The following TSPEAR variants were observed in gnomAD, a reference collection of about 807,000 sequenced individuals.
The protein encoded by TSPEAR is thrombospondin type laminin G domain and EAR repeats, also known as thrombospondin-type laminin G domain and EAR repeat-containing protein.
In TSPEAR, 69 loss-of-function variants were observed where a neutral mutation model predicts 71.6. The ratio of observed to expected loss-of-function variants is 0.96; its 90% CI spans 0.79 to 1.18. The LOEUF is 1.18. TSPEAR is among the 50% of genes most tolerant of loss of function. The pLI, the probability that TSPEAR is intolerant of heterozygous loss-of-function variation, is 0.00. For missense variants in TSPEAR, 971 were observed against 894.9 expected, an observed-to-expected ratio of 1.09 and a Z score of -1.09; for synonymous variants, 402 against 387.2, an observed-to-expected ratio of 1.04 and a Z score of -0.45.
At chr21:44,681,983 G>A (rs782585933) in intron 1 of TSPEAR, 12 of 1,613,132 alleles carry the variant, frequency 7.4e-6, no homozygotes, top group Admixed American at 3.3e-5. Flanking sequence ...GGCATCTCAC[G>A]GGCACACACA....
intron 3 of TSPEAR, among the ~76,000 whole-genome samples, chr21:44,532,472 G>A (rs2052992960): frequency 6.6e-6 from 1 of 152,198 alleles, no homozygotes; most frequent in South Asian, 2.1e-4. Flanking sequence ...CAGGACCTGA[G>A]AACTCATCAC....
chr21:44,581,344 C>A (rs1555925104), intron 1 of TSPEAR, among the ~76,000 whole-genome samples: 1 of 152,226 alleles, frequency 6.6e-6, no homozygotes, highest in Non-Finnish European at 1.5e-5. Flanking sequence ...ATGTACTCAA[C>A]TTTACCCTCA....
intron 5 of TSPEAR, 62 bp downstream of exon 5, chr21:44,529,736 G>A: frequency 6.3e-7 from 1 of 1,591,896 alleles, no homozygotes; most frequent in Non-Finnish European, 8.6e-7. Context: ...GTTCCCGCCT[G>A]GTGTGAGGCC....
At chr21:44,653,933 G>C (rs371464528) in intron 1 of TSPEAR, among the ~76,000 whole-genome samples, 1 of 152,326 alleles carries the variant, frequency 6.6e-6, no homozygotes, top group South Asian at 2.1e-4. Context: ...CCTGGGGAAG[G>C]TACCTCCTGA....
intron 1 of TSPEAR, chr21:44,627,886 T>C: frequency 6.2e-7 from 1 of 1,613,090 alleles, no homozygotes; most frequent in South Asian, 1.1e-5. Context: ...CCGCCCTGTG[T>C]GCAGGCCCGC....
At chr21:44,657,382 T>C (rs782633599) in intron 1 of TSPEAR, among the ~76,000 whole-genome samples, 2 of 152,172 alleles carry the variant, frequency 1.3e-5, no homozygotes, top group Non-Finnish European at 2.9e-5. Context: ...ACAGCAAATA[T>C]TTTAGCCTTT....
In TSPEAR at chr21:44,641,206, G is replaced by C. The variant is rs370075902; in HGVS notation, c.82+70227C>G. ...CATGTGAGGAAATCACAGCATGACA[G>C]AGAAGCAAAGTCTGAACAAGCGATG... On this transcript the variant is annotated intron_variant, in intron 1 of 11. Coordinates refer to ENST00000323084, the MANE Select transcript of TSPEAR (RefSeq NM_144991.3). Among the ~76,000 whole-genome samples, 14 of 152,220 alleles carry C rather than the reference G, an allele frequency of 9.2e-5. No homozygotes were observed. The East Asian group carries it at 9.6e-4, about 10-fold the overall frequency.
In TSPEAR at chr21:44,540,779, G is replaced by C. The variant is rs1044545174; in HGVS notation, c.304-6856C>G. 5.9e-5 allele frequency among the ~76,000 whole-genome samples: 9 copies of C among 152,172 alleles called. 1 individual carries two copies. The highest frequency in any genetic ancestry group is 1.0e-4 in the Non-Finnish European group (7 of 68,040). On this transcript the variant is annotated intron_variant, in intron 2 of 11. Coordinates refer to ENST00000323084, the MANE Select transcript of TSPEAR (RefSeq NM_144991.3). ...GGGAGAAGGGGAGCAAGGAAGGAGA[G>C]GCCATGCCCCTCCCCACGGCCTTCC...
In TSPEAR at chr21:44,504,863, A is replaced by G; in HGVS notation, c.1773T>C (p.Phe591=). ...ILTCSALDWE[F]FSVGEDYFLV... ...GGAAATAATCTTCTCCCACCGAGAA[A>G]AACTCCCAGTCCAGAGCACTGCAGG... The change falls in exon 11 of 12, where the codon TTT becomes TTC. Residue 591 remains phenylalanine (F), a synonymous_variant. Coordinates refer to ENST00000323084, the MANE Select transcript of TSPEAR (RefSeq NM_144991.3). 6.2e-7 allele frequency: 1 copy of G among 1,613,868 alleles called. No homozygotes were observed. The highest frequency in any genetic ancestry group is 8.5e-7 in the Non-Finnish European group (1 of 1,179,848).
intron 2 of TSPEAR, chr21:44,558,124 G>C (rs587721981): frequency 6.2e-7 from 1 of 1,613,042 alleles, no homozygotes; most frequent in African/African-American, 1.3e-5. Context: ...GGGCGGCAGA[G>C]GAGGGACACG....
rs781814702 is a variant in TSPEAR, at chr21:44,612,336, T to G, written c.83-44331A>C. The G allele has an allele frequency of 1.9e-6, 3 of 1,613,716 alleles. No individual in the cohort carries two copies. The East Asian group carries it at 6.7e-5, about 36-fold the overall frequency. On this transcript the variant is annotated intron_variant, in intron 1 of 11. Transcript: ENST00000323084. This position sits in a 1 kb window ranked among gnomAD's most constrained non-coding sequence, Gnocchi z 4.1. ...TGCCTGGCCCTGGTCTGTGCCCCAG[T>G]GAGCTGTGAGCCCAGCCCCTGCCAA...
chr21:44,514,564 CCTTCTGAGGTCTGCAGCAA>C (rs587614139), intron 9 of TSPEAR, among the ~76,000 whole-genome samples: 21 of 152,336 alleles, frequency 1.4e-4, no homozygotes, highest in African/African-American at 5.1e-4. Context: ...AGCTGCAACA[CCTTCTGAGGTCTGCAGCAA>C]ACTCACTTAG....
intron 1 of TSPEAR, among the ~76,000 whole-genome samples, chr21:44,636,953 C>G (rs1555936789): frequency 6.6e-6 from 1 of 152,230 alleles, no homozygotes; most frequent in Non-Finnish European, 1.5e-5. Context: ...CATCTTTTCC[C>G]AACACAGGCA....
At chr21:44,603,367 G>A (rs1555929324) in intron 1 of TSPEAR, among the ~76,000 whole-genome samples, 1 of 152,188 alleles carries the variant, frequency 6.6e-6, no homozygotes, top group Non-Finnish European at 1.5e-5. Context: ...GGTTCTCCAG[G>A]AGGCACCAAG....
In TSPEAR at chr21:44,711,492, C is replaced by T. The variant is rs1988221602; in HGVS notation, c.23G>A (p.Cys8Tyr). Residue 8 changes from cysteine (C) to tyrosine (Y), a missense_variant, in exon 1 of 12, where the codon TGT becomes TAT. Coordinates refer to ENST00000323084, the MANE Select transcript of TSPEAR (RefSeq NM_144991.3). The surrounding 1 kb of genome is among the most constrained non-coding windows in gnomAD (Gnocchi z 4.5). MSALLSLCFVLPLAAPGH... is the reference protein window; with the variant it reads MSALLSLYFVLPLAAPGH... ...GGGGGCCGCCAGGGGCAGCACAAAA[C>T]ACAGACTCAGCAGGGCAGACATGAG... 1 of 1,612,140 alleles carries T rather than the reference C, an allele frequency of 6.2e-7. No homozygotes were observed. Among genetic ancestry groups the T allele is most frequent in the Non-Finnish European group, 8.5e-7 (1 of 1,179,528 alleles).
intron 1 of TSPEAR, chr21:44,592,642 C>A: frequency 8.5e-7 from 1 of 1,177,094 alleles, no homozygotes; most frequent in Non-Finnish European, 1.2e-6. Flanking sequence ...GTTTGTTCGC[C>A]CGTGATGTGG....
At chr21:44,698,973 G>A (rs1443620861) in intron 1 of TSPEAR, among the ~76,000 whole-genome samples, 2 of 152,212 alleles carry the variant, frequency 1.3e-5, no homozygotes, top group South Asian at 2.1e-4. Flanking sequence ...GACTGAGGCA[G>A]GAAGATCACT....
At chr21:44,658,491 A>G in intron 1 of TSPEAR, 1 of 589,982 alleles carries the variant, frequency 1.7e-6, no homozygotes, top group Non-Finnish European at 3.0e-6. Context: ...CTCCAGCAGG[A>G]AACTAAAACC....
chr21:44,656,336 TGCAC>T (rs1985145218), intron 1 of TSPEAR, among the ~76,000 whole-genome samples: 1 of 152,256 alleles, frequency 6.6e-6, no homozygotes, highest in African/African-American at 2.4e-5. Flanking sequence ...AGGACATCCG[TGCAC>T]GTCACCTGCA....
Sources: allele counts gnomAD v4.1 joint callset (sites outside exome capture counted in the v4.1 genomes callset), GRCh38; gene constraint gnomAD v4.1.1; non-coding constraint Gnocchi (gnomAD v3.1); transcripts MANE v1.5; gene names NCBI Gene and HGNC (gene_info 2026-07-23, HGNC 2026-07-21).